LANCL2: variants seen among roughly 807,000 people sequenced by gnomAD.
LANCL2 encodes LanC like glutathione S-transferase 2.
In LANCL2, 33 loss-of-function variants were observed where a neutral mutation model predicts 56.9. The ratio of observed to expected loss-of-function variants is 0.58; its 90% CI spans 0.44 to 0.78. The LOEUF is 0.78. LANCL2 is among the 30% of genes least tolerant of loss of function. The pLI, the probability that LANCL2 is intolerant of heterozygous loss-of-function variation, is 0.00. For synonymous variants in LANCL2, 233 were observed against 228.2 expected, an observed-to-expected ratio of 1.02 and a Z score of -0.19; for missense variants, 562 against 580.2, an observed-to-expected ratio of 0.97 and a Z score of 0.32.
intron 2 of LANCL2, among the ~76,000 whole-genome samples, chr7:55,397,630 T>A (rs1168717927): frequency 1.3e-5 from 2 of 150,560 alleles, no homozygotes; most frequent in Non-Finnish European, 3.0e-5. Flanking sequence ...ATAAAAGACT[T>A]CAGTAAATAC....
chr7:55,387,910 TCTTTAA>T (rs1790144563), intron 1 of LANCL2, among the ~76,000 whole-genome samples: 2 of 152,230 alleles, frequency 1.3e-5, no homozygotes, highest in African/African-American at 4.8e-5. Context: ...TTCCTTTTCT[TCTTTAA>T]CTTTAAATGA....
chr7:55,391,014 C>CTTTT (rs576740411), intron 1 of LANCL2, among the ~76,000 whole-genome samples: 7 of 113,720 alleles, frequency 6.2e-5, no homozygotes, highest in South Asian at 2.7e-4. Context: ...AGTGATTGAA[C>CTTTT]TTTTTTTTTT....
chr7:55,413,602 A>G (rs1347417275), intron 6 of LANCL2, among the ~76,000 whole-genome samples: 1 of 152,138 alleles, frequency 6.6e-6, no homozygotes, highest in African/African-American at 2.4e-5. Flanking sequence ...ATCTGTTTTC[A>G]CCACTGCTGG....
chr7:55,429,902 G>GA lies in LANCL2; in HGVS notation c.1259-1323dup. Among the ~76,000 whole-genome samples, 3 of 152,392 alleles carry GA rather than the reference G, an allele frequency of 2.0e-5. No homozygotes were observed. The South Asian group carries it at 6.2e-4, about 32-fold the overall frequency. The stretch of plus-strand genomic sequence containing the variant: ...GACTCTCACCAAATTCCCGTCAGGG[G>GA]ACGGAGGGATTATTAAGCCGTGTGC... On this transcript the variant is annotated intron_variant, in intron 8 of 8. Transcript: ENST00000254770.
At chr7:55,377,828 A>T (rs1790020161) in intron 1 of LANCL2, among the ~76,000 whole-genome samples, 1 of 152,218 alleles carries the variant, frequency 6.6e-6, no homozygotes, top group Non-Finnish European at 1.5e-5. Context: ...AAATTCTTTA[A>T]CTGCTCCTGC....
At chr7:55,409,800 A>G (rs1790452292) in intron 5 of LANCL2, among the ~76,000 whole-genome samples, 1 of 152,154 alleles carries the variant, frequency 6.6e-6, no homozygotes, top group Admixed American at 6.5e-5. Flanking sequence ...GAAAAAGCTT[A>G]GGTACTGGTT....
At chr7:55,408,382 A>G (rs1334005177) in intron 5 of LANCL2, among the ~76,000 whole-genome samples, 2 of 152,176 alleles carry the variant, frequency 1.3e-5, no homozygotes, top group African/African-American at 4.8e-5. Context: ...AATGAGGGAC[A>G]TAGGCTGGGC....
intron 4 of LANCL2, 73 bp downstream of exon 4, chr7:55,400,177 C>T: frequency 7.9e-7 from 1 of 1,261,102 alleles, no homozygotes; most frequent in East Asian, 2.7e-5. Context: ...GTTGTATTAA[C>T]AGCTGGACTT....
intron 2 of LANCL2, among the ~76,000 whole-genome samples, chr7:55,392,278 GTGAGACTCCATC>G (rs1790200363): frequency 6.6e-6 from 1 of 151,924 alleles, no homozygotes; most frequent in African/African-American, 2.4e-5. Context: ...GAGCCACAGA[GTGAGACTCCATC>G]TGAAAAAAAT....
chr7:55,411,933 C>T lies in LANCL2; in HGVS notation c.852C>T (p.Thr284=). The part of the protein sequence containing the change: ...MQPAAKVDQE[T]LTEMVKPSID... ...CGGCAGCAAAAGTGGACCAAGAAAC[C>T]TTGACAGAAATGGTGAAACCCAGTA... The change falls in exon 6 of 9, where the codon ACC becomes ACT. Residue 284 remains threonine, a synonymous_variant. Coordinates refer to ENST00000254770, the MANE Select transcript of LANCL2 (RefSeq NM_018697.4). The T allele has an allele frequency of 6.2e-7, 1 of 1,612,598 alleles. No homozygotes were observed. The highest frequency in any genetic ancestry group is 2.2e-5 in the East Asian group (1 of 44,830).
At chr7:55,380,840 C>A (rs1196116062) in intron 1 of LANCL2, among the ~76,000 whole-genome samples, 1 of 148,350 alleles carries the variant, frequency 6.7e-6, no homozygotes, top group Non-Finnish European at 1.5e-5. Context: ...GAGTATGTTA[C>A]AGTGCATGAT....
intron 6 of LANCL2, among the ~76,000 whole-genome samples, chr7:55,421,315 A>G (rs577019145): frequency 3.3e-5 from 4 of 120,120 alleles, no homozygotes; most frequent in Admixed American, 2.5e-4. Flanking sequence ...GAAATTTTTT[A>G]GGATTCTCTT....
At chr7:55,374,432 G>C (rs1029131044) in intron 1 of LANCL2, among the ~76,000 whole-genome samples, 1 of 152,160 alleles carries the variant, frequency 6.6e-6, no homozygotes, top group Non-Finnish European at 1.5e-5. Flanking sequence ...CTGCAAAATA[G>C]CGTTATCTTG....
Position 55,425,248 on chromosome 7 carries a change from G to A in LANCL2, c.1009-6G>A. On this transcript the variant is annotated splice_polypyrimidine_tract_variant and splice_region_variant and intron_variant, in intron 6 of 8. Coordinates refer to ENST00000254770, the MANE Select transcript of LANCL2 (RefSeq NM_018697.4). ...TTTAACACTGCTTTGTTTTTAATTT[G>A]CCCAGGTCTTTAAGGAGGAGAAGTA... The A allele has an allele frequency of 1.2e-6, 2 of 1,611,374 alleles. No individual in the cohort carries two copies. Among genetic ancestry groups the A allele is most frequent in the Middle Eastern group, 1.7e-4 (1 of 6,050 alleles).
At chr7:55,411,816 C>T in intron 5 of LANCL2, 91 bp from the exon 6 acceptor site, 4 of 1,230,476 alleles carry the variant, frequency 3.3e-6, no homozygotes, top group Non-Finnish European at 4.5e-6. Context: ...TTTTTGTTTT[C>T]CAGGTAATTG....
rs1789855523 is a variant in LANCL2, at chr7:55,365,938, G to A, written c.-88G>A. 14 of 1,083,650 alleles carry A rather than the reference G, an allele frequency of 1.3e-5. No homozygotes were observed. Among genetic ancestry groups the A allele is most frequent in the Non-Finnish European group, 1.8e-5 (14 of 795,862 alleles). 67.1% of individuals were successfully genotyped at this position (1,083,650 alleles called of 1,614,324 possible). A position where few individuals can be genotyped will look rare whatever the true frequency, so the allele number is the denominator to read the frequency against. On this transcript the variant is annotated 5_prime_UTR_variant, in exon 1 of 9. Coordinates refer to ENST00000254770, the MANE Select transcript of LANCL2 (RefSeq NM_018697.4). ...GCTCCTCCTAGAGGACGCTCTCTGCGCGGGCCCTCGGAGGAGGCGGCGGCG... is the reference window on the plus strand; with the variant it reads ...GCTCCTCCTAGAGGACGCTCTCTGCACGGGCCCTCGGAGGAGGCGGCGGCG...
intron 5 of LANCL2, among the ~76,000 whole-genome samples, chr7:55,403,429 C>A (rs1205390803): frequency 6.9e-6 from 1 of 145,252 alleles, no homozygotes; most frequent in Non-Finnish European, 1.5e-5. Flanking sequence ...AGGGGGAGAC[C>A]GTGGAAAGAG....
chr7:55,421,678 A>T (rs975579689), intron 6 of LANCL2, among the ~76,000 whole-genome samples: 1 of 150,508 alleles, frequency 6.6e-6, no homozygotes, highest in African/African-American at 2.4e-5. Context: ...CTATTTGCGT[A>T]TTTTTTTTAC....
intron 3 of LANCL2, among the ~76,000 whole-genome samples, chr7:55,399,384 C>A (rs1342298457): frequency 6.8e-6 from 1 of 147,264 alleles, no homozygotes; most frequent in Non-Finnish European, 1.5e-5. Flanking sequence ...GCTCTTGTTG[C>A]CCAGGCTGGA....
Sources: gnomAD v4.1 joint callset for allele counts (sites outside exome capture counted in the v4.1 genomes callset) on GRCh38, gnomAD v4.1.1 for gene constraint, MANE v1.5 for transcripts, NCBI Gene and HGNC (gene_info 2026-07-23, HGNC 2026-07-21) for gene names.